Variants in GRIK2 observed in about 807,000 individuals in gnomAD.
The protein encoded by GRIK2 is glutamate receptor ionotropic, kainate 2.
In GRIK2, 32 loss-of-function variants were observed where a neutral mutation model predicts 100.3. That is an observed-to-expected ratio of 0.32 (90% confidence interval 0.24 to 0.43). The LOEUF is 0.43. Ranked by LOEUF, GRIK2 falls within the 20% of genes least tolerant of loss-of-function variation. The pLI, the probability that GRIK2 is intolerant of heterozygous loss-of-function variation, is 1.00. For synonymous variants in GRIK2, 417 were observed against 389.4 expected (o/e 1.07, Z -0.83); for missense variants, 843 against 1,114.9 (o/e 0.76, Z 3.47).
At chr6:101,773,448 C>T (rs1778532721) in intron 7 of GRIK2, among the ~76,000 whole-genome samples, 1 of 146,882 alleles carries the variant, frequency 6.8e-6, no homozygotes, top group African/African-American at 2.6e-5. Flanking sequence ...CCATTGCACT[C>T]CAGCCTGGCA....
chr6:101,702,165 A>G (rs1324744835), intron 7 of GRIK2, among the ~76,000 whole-genome samples: 2 of 152,070 alleles, frequency 1.3e-5, no homozygotes, highest in Non-Finnish European at 1.5e-5. Context: ...CATTGTTTCT[A>G]TGAAAACTCA....
chr6:101,644,760 A>G (rs950077978), intron 4 of GRIK2, among the ~76,000 whole-genome samples: 3 of 151,818 alleles, frequency 2.0e-5, no homozygotes, highest in African/African-American at 7.2e-5. Context: ...TATTGGTGCT[A>G]TTTACCAAAT....
At chr6:101,885,095 A>T (rs1786523156) in intron 11 of GRIK2, among the ~76,000 whole-genome samples, 1 of 152,136 alleles carries the variant, frequency 6.6e-6, no homozygotes, top group Non-Finnish European at 1.5e-5. Flanking sequence ...GAGACAATAC[A>T]GTTACAATAA....
intron 7 of GRIK2, among the ~76,000 whole-genome samples, chr6:101,721,815 C>G (rs1774506597): frequency 6.6e-6 from 1 of 151,874 alleles, no homozygotes; most frequent in African/African-American, 2.4e-5. Context: ...TTATTTAATT[C>G]ACTACATGTA....
chr6:101,960,307 A>G (rs1792215555), intron 14 of GRIK2, among the ~76,000 whole-genome samples: 1 of 151,370 alleles, frequency 6.6e-6, no homozygotes, highest in Non-Finnish European at 1.5e-5. Context: ...CACAATCTAT[A>G]TTTTGAATTC....
chr6:102,011,660 T>C (rs896237020), intron 14 of GRIK2, among the ~76,000 whole-genome samples: 3 of 141,392 alleles, frequency 2.1e-5, no homozygotes, highest in Admixed American at 7.6e-5. Flanking sequence ...CTCGGCTCAC[T>C]GTATGCTCCG....
At position 101,949,839 on chromosome 6, in the gene GRIK2, G is replaced by A. The variant is rs1023433436; in HGVS notation, c.2085+21207G>A. Among the ~76,000 whole-genome samples, 7 of 152,276 alleles carry A rather than the reference G, an allele frequency of 4.6e-5. No individual in the cohort carries two copies. In the South Asian group the frequency reaches 8.3e-4, roughly 18 times the overall value. On this transcript the variant is annotated intron_variant, in intron 14 of 16. Coordinates refer to ENST00000369134, the MANE Select transcript of GRIK2 (RefSeq NM_021956.5). ...TGAGTGTACATGTGTCTTTATAAGT[G>A]TAGAATTATTTATAATCCTTTGGGT...
chr6:101,661,213 C>T (rs1431146467), intron 4 of GRIK2, among the ~76,000 whole-genome samples: 1 of 152,148 alleles, frequency 6.6e-6, no homozygotes, highest in Non-Finnish European at 1.5e-5. Context: ...GCCACTGTGG[C>T]TTTGCTGAGC....
chr6:101,917,413 G>A (rs1329921233), intron 12 of GRIK2, among the ~76,000 whole-genome samples: 1 of 151,672 alleles, frequency 6.6e-6, no homozygotes, highest in Non-Finnish European at 1.5e-5. Flanking sequence ...ATGCTGAAAA[G>A]TTGAGCATAG....
intron 2 of GRIK2, among the ~76,000 whole-genome samples, chr6:101,399,728 GGTGCGCGGTCCGCGCAAAA>G (rs909864594): frequency 4.6e-5 from 7 of 152,174 alleles, no homozygotes; most frequent in Non-Finnish European, 1.5e-5. Context: ...AGCTTGGAGG[GGTGCGCGGTCCGCGCAAAA>G]GTGCGCGCCG....
intron 12 of GRIK2, among the ~76,000 whole-genome samples, chr6:101,910,386 CTAT>C (rs375809359): frequency 1.3e-5 from 2 of 151,114 alleles, no homozygotes; most frequent in East Asian, 3.9e-4. Flanking sequence ...TACTAATTTA[CTAT>C]TATTATACTC....
At chr6:101,527,630 G>A (rs1775219000) in intron 2 of GRIK2, among the ~76,000 whole-genome samples, 2 of 152,116 alleles carry the variant, frequency 1.3e-5, no homozygotes, top group South Asian at 4.1e-4. Flanking sequence ...CCTTGGCTTT[G>A]TGGGTTGTAG....
intron 11 of GRIK2, among the ~76,000 whole-genome samples, chr6:101,863,268 C>G (rs966794225): frequency 6.6e-6 from 1 of 152,160 alleles, no homozygotes; most frequent in Non-Finnish European, 1.5e-5. Context: ...TGCAGAGATA[C>G]TGAAAGATTA....
chr6:102,047,550 C>A (rs1159328003), intron 15 of GRIK2, among the ~76,000 whole-genome samples: 1 of 151,918 alleles, frequency 6.6e-6, no homozygotes, highest in East Asian at 2.0e-4. Context: ...GAGTTCGAGA[C>A]CAGCCTGGCC....
chr6:101,968,361 A>C (rs1426944885), intron 14 of GRIK2, among the ~76,000 whole-genome samples: 1 of 151,996 alleles, frequency 6.6e-6, no homozygotes, highest in Non-Finnish European at 1.5e-5. Context: ...GAGTTAAAGC[A>C]ATTTTTTTCT....
intron 14 of GRIK2, among the ~76,000 whole-genome samples, chr6:101,987,410 T>C (rs76598515): frequency 6.6e-6 from 1 of 151,768 alleles, no homozygotes; most frequent in African/African-American, 2.4e-5. Context: ...ATTTCTATCA[T>C]GTTTTATTTG....
intron 2 of GRIK2, 130 bp from the exon 3 acceptor site, chr6:101,621,819 T>TCA: frequency 1.5e-6 from 1 of 663,514 alleles, no homozygotes; most frequent in Non-Finnish European, 2.7e-6. Flanking sequence ...TCTTTCTCTC[T>TCA]CTCACACACA....
At chr6:102,039,956 G>A (rs922018837) in intron 15 of GRIK2, among the ~76,000 whole-genome samples, 5 of 151,400 alleles carry the variant, frequency 3.3e-5, no homozygotes, top group Admixed American at 2.6e-4. Context: ...GGGATGGAGG[G>A]AATTGTGCTC....
At chr6:101,819,603 A>C (rs922005047) in intron 10 of GRIK2, among the ~76,000 whole-genome samples, 2 of 152,112 alleles carry the variant, frequency 1.3e-5, no homozygotes, top group Non-Finnish European at 2.9e-5. Context: ...CTTTCTTTTC[A>C]AAGATAACTC....
Sources: allele counts gnomAD v4.1 joint callset (sites outside exome capture counted in the v4.1 genomes callset), GRCh38; gene constraint gnomAD v4.1.1; transcripts MANE v1.5; gene names NCBI Gene and HGNC (gene_info 2026-07-23, HGNC 2026-07-21).